The following NAALADL2 variants were observed in gnomAD, a reference collection of about 807,000 sequenced individuals.
The protein encoded by NAALADL2 is N-acetylated alpha-linked acidic dipeptidase like 2.
NAALADL2 carries 76 observed loss-of-function variants against 87.2 expected under a neutral mutation model. The observed-to-expected ratio is 0.87, with a 90% CI of 0.72 to 1.05. NAALADL2 has a LOEUF of 1.05. Among genes scored for constraint, NAALADL2 ranks in the 50% least tolerant of loss-of-function variants. The probability of loss-of-function intolerance (pLI) is 0.00; values close to 1 mark genes in which losing one functional copy is unlikely to be tolerated. For synonymous variants in NAALADL2, 354 were observed against 331.0 expected (o/e 1.07, Z -0.75); for missense variants, 1,089 against 945.8 (o/e 1.15, Z -1.99).
intron 1 of NAALADL2, among the ~76,000 whole-genome samples, chr3:174,928,942 C>A (rs1026434649): frequency 2.0e-5 from 3 of 152,042 alleles, no homozygotes; most frequent in Non-Finnish European, 4.4e-5. Flanking sequence ...CCATATAGAA[C>A]TTATAATTAA....
chr3:175,774,066 A>G (rs61454025), intron 13 of NAALADL2, among the ~76,000 whole-genome samples: 2,428 of 152,192 alleles, frequency 0.016, 59 homozygotes, highest in African/African-American at 0.054. Context: ...TGTATGGTAC[A>G]GTTAGTAGTA....
chr3:174,710,918 C>T (rs768818563), intron 2 of NAALADL2, among the ~76,000 whole-genome samples: 4 of 152,180 alleles, frequency 2.6e-5, no homozygotes, highest in Non-Finnish European at 5.9e-5. Flanking sequence ...ATCTACAGAA[C>T]TGTGAGCTTA....
chr3:174,819,202 C>T (rs1314582568), intron 3 of NAALADL2, among the ~76,000 whole-genome samples: 1 of 150,138 alleles, frequency 6.7e-6, no homozygotes, highest in Non-Finnish European at 1.5e-5. Context: ...GTAGCTGGGA[C>T]CAAAGGCACA....
At chr3:175,618,740 C>A (rs948640296) in intron 10 of NAALADL2, among the ~76,000 whole-genome samples, 1 of 152,112 alleles carries the variant, frequency 6.6e-6, no homozygotes, top group Non-Finnish European at 1.5e-5. Context: ...AGCGCCCTTG[C>A]AAGTGCTGCC....
At chr3:174,836,695 C>CGA (rs1723368523) in intron 3 of NAALADL2, among the ~76,000 whole-genome samples, 1 of 108,268 alleles carries the variant, frequency 9.2e-6, no homozygotes, top group Non-Finnish European at 1.7e-5. Flanking sequence ...GGTGACAGAG[C>CGA]GAGACTCCGT....
At position 175,198,178 on chromosome 3, in the gene NAALADL2, T is replaced by C. The variant is rs1288585205; in HGVS notation, c.546-35753T>C. On this transcript the variant is annotated intron_variant, in intron 2 of 13. Coordinates refer to ENST00000454872, the MANE Select transcript of NAALADL2 (RefSeq NM_207015.3). ...CACAAGTGTTGAATATGCTTTGAAG[T>C]TGTTCCCCAGTACTCACTCCTAGCA... Among the ~76,000 whole-genome samples the C allele has an allele frequency of 2.6e-5, 4 of 152,072 alleles. 1 individual carries two copies. Among genetic ancestry groups the C allele is most frequent in the Admixed American group, 2.6e-4 (4 of 15,226 alleles).
At chr3:175,460,039 T>C in intron 6 of NAALADL2, 1 of 388,666 alleles carries the variant, frequency 2.6e-6, no homozygotes, top group Non-Finnish European at 5.1e-6. Context: ...GTTATTGCTA[T>C]TACAGATTAT....
chr3:175,773,999 A>G (rs1359991530), intron 13 of NAALADL2, among the ~76,000 whole-genome samples: 1 of 152,116 alleles, frequency 6.6e-6, no homozygotes, highest in Non-Finnish European at 1.5e-5. Flanking sequence ...CTGAAACACA[A>G]TTGGAGCTTG....
intron 3 of NAALADL2, among the ~76,000 whole-genome samples, chr3:174,756,223 A>G (rs938197360): frequency 6.6e-6 from 1 of 152,182 alleles, no homozygotes; most frequent in East Asian, 1.9e-4. Context: ...TCATTTTGGT[A>G]TTTGTCTCAG....
intron 6 of NAALADL2, among the ~76,000 whole-genome samples, chr3:175,455,149 C>A (rs1039145940): frequency 6.6e-6 from 1 of 151,974 alleles, no homozygotes; most frequent in Admixed American, 6.6e-5. Context: ...AAGTGGACAG[C>A]CAGGGAGGGT....
chr3:175,304,884 C>G (rs2110251019), intron 4 of NAALADL2, among the ~76,000 whole-genome samples: 1 of 151,750 alleles, frequency 6.6e-6, no homozygotes, highest in Non-Finnish European at 1.5e-5. Context: ...TTAAATAATT[C>G]CTTTATCATA....
At chr3:174,964,574 A>G (rs1742600633) in intron 1 of NAALADL2, among the ~76,000 whole-genome samples, 1 of 152,092 alleles carries the variant, frequency 6.6e-6, no homozygotes, top group Non-Finnish European at 1.5e-5. Context: ...GAAAAAGACT[A>G]TAAGGGAGGA....
At chr3:175,366,810 G>T (rs530859117) in intron 5 of NAALADL2, among the ~76,000 whole-genome samples, 1 of 151,684 alleles carries the variant, frequency 6.6e-6, no homozygotes, top group East Asian at 1.9e-4. Context: ...TTTGTAGGTT[G>T]CCTGTTCACT....
chr3:175,108,519 T>G (rs951879462), intron 2 of NAALADL2, among the ~76,000 whole-genome samples: 1 of 151,976 alleles, frequency 6.6e-6, no homozygotes, highest in Non-Finnish European at 1.5e-5. Context: ...TGATTTTACC[T>G]TCAAGAAAAA....
At chr3:175,442,498 ATATAC>A (rs1274940966) in intron 5 of NAALADL2, among the ~76,000 whole-genome samples, 10 of 152,166 alleles carry the variant, frequency 6.6e-5, no homozygotes, top group Non-Finnish European at 1.0e-4. Context: ...CTCTGAACTA[ATATAC>A]TATTTTTATT....
At chr3:175,325,013 C>A (rs1183358617) in intron 5 of NAALADL2, among the ~76,000 whole-genome samples, 4 of 151,590 alleles carry the variant, frequency 2.6e-5, no homozygotes, top group Admixed American at 6.6e-5. Context: ...ATATTCTGTT[C>A]ATTCAACCTG....
chr3:174,713,996 T>A (rs949561642), intron 2 of NAALADL2, among the ~76,000 whole-genome samples: 1 of 152,190 alleles, frequency 6.6e-6, no homozygotes, highest in Non-Finnish European at 1.5e-5. Flanking sequence ...GAGGAAGGGA[T>A]CCAGTTTCAG....
At chr3:174,798,793 A>C (rs1258541834) in intron 3 of NAALADL2, among the ~76,000 whole-genome samples, 1 of 152,064 alleles carries the variant, frequency 6.6e-6, no homozygotes, top group Non-Finnish European at 1.5e-5. Context: ...TGCTGAATTC[A>C]TTTATTTATT....
At chr3:174,995,862 T>C (rs776581000) in intron 1 of NAALADL2, among the ~76,000 whole-genome samples, 1 of 151,688 alleles carries the variant, frequency 6.6e-6, no homozygotes, top group African/African-American at 2.4e-5. Context: ...TCCCTCTGGA[T>C]TGAGTAAGTA....
Sources: gnomAD v4.1 joint callset for allele counts (sites outside exome capture counted in the v4.1 genomes callset) on GRCh38, gnomAD v4.1.1 for gene constraint, MANE v1.5 for transcripts, NCBI Gene and HGNC (gene_info 2026-07-23, HGNC 2026-07-21) for gene names.